The following GAK variants were observed in gnomAD, a reference collection of about 807,000 sequenced individuals.
GAK encodes the protein cyclin-G-associated kinase.
In GAK, 79 loss-of-function variants were observed where a neutral mutation model predicts 143.9. The ratio of observed to expected loss-of-function variants is 0.55; its 90% CI spans 0.46 to 0.66. The LOEUF is 0.66. Among genes scored for constraint, GAK ranks in the 30% least tolerant of loss-of-function variants. The probability of loss-of-function intolerance (pLI) is 0.00; values close to 1 mark genes in which losing one functional copy is unlikely to be tolerated. For missense variants in GAK, 1,693 were observed against 1,779.7 expected (o/e 0.95, Z 0.88); for synonymous variants, 881 against 765.5 (o/e 1.15, Z -2.49).
At chr4:905,567 T>C (rs1032238330) in intron 4 of GAK, among the ~76,000 whole-genome samples, 16 of 144,620 alleles carry the variant, frequency 1.1e-4, no homozygotes, top group Admixed American at 1.0e-3. Context: ...CAGGCCATGC[T>C]ACGGACTTCG....
chr4:873,300 G>A (rs1302570292), intron 18 of GAK, among the ~76,000 whole-genome samples: 1 of 152,122 alleles, frequency 6.6e-6, no homozygotes, highest in Non-Finnish European at 1.5e-5. Context: ...TTGGCACACA[G>A]GTCACTTAAC....
chr4:911,734 T>C lies in GAK; in HGVS notation c.321A>G (p.Ile107Met), dbSNP rs772019614. 4 of 1,614,096 alleles carry C rather than the reference T, an allele frequency of 2.5e-6. No individual in the cohort carries two copies. Among genetic ancestry groups the C allele is most frequent in the South Asian group, 1.1e-5 (1 of 91,088 alleles). The change falls in exon 4 of 28, where the codon ATA (isoleucine) becomes ATG (methionine). Residue 107 changes from isoleucine to methionine, a missense_variant. Physicochemically the swap from Ile to Met is conservative, Grantham distance 10. This residue lies in a region of GAK where 871 missense variants were observed against 991.0 expected (regional missense o/e 0.88). Transcript: ENST00000314167. ...NIVQFCSAAS[I>M]GKEESDTGQA... Reference sequence around the variant, plus strand: ...GCCCCGTGTCTGACTCCTCTTTTCCTATAGACGCTGCAGAACAAAACTGGA... The same window carrying C: ...GCCCCGTGTCTGACTCCTCTTTTCCCATAGACGCTGCAGAACAAAACTGGA...
At chr4:877,913 T>A (rs1714304604) in intron 15 of GAK, 104 bp from the exon 16 acceptor site, 17 of 1,015,420 alleles carry the variant, frequency 1.7e-5, no homozygotes, top group Non-Finnish European at 2.4e-5. Context: ...AAATTTCCCT[T>A]GTAGCAATGT....
At chr4:899,418 C>T (rs150344137) in intron 5 of GAK, among the ~76,000 whole-genome samples, 9 of 150,222 alleles carry the variant, frequency 6.0e-5, no homozygotes, top group Admixed American at 2.7e-4. Flanking sequence ...GCGGTCAGTA[C>T]GGGCTCCCAC....
At chr4:870,524 T>A (rs960025248) in intron 19 of GAK, among the ~76,000 whole-genome samples, 187 bp downstream of exon 19, 1 of 152,218 alleles carries the variant, frequency 6.6e-6, no homozygotes, top group Non-Finnish European at 1.5e-5. Context: ...CCTTCTCTGG[T>A]GTAGCTGGTG....
intron 11 of GAK, chr4:886,407 C>G (rs1409813183): frequency 6.6e-6 from 1 of 152,242 alleles, no homozygotes; most frequent in Non-Finnish European, 1.5e-5. Context: ...CCACCATCCC[C>G]ACAGCTGCTG....
chr4:902,596 CAAAAA>C (rs768017849), intron 5 of GAK, among the ~76,000 whole-genome samples: 1 of 60,728 alleles, frequency 1.6e-5, no homozygotes, highest in East Asian at 5.4e-4. Context: ...GTGACTGACT[CAAAAA>C]AAAAAAAAAA....
At chr4:875,151 G>A (rs759866544) in intron 18 of GAK, among the ~76,000 whole-genome samples, 12 of 152,086 alleles carry the variant, frequency 7.9e-5, no homozygotes, top group African/African-American at 1.9e-4. Context: ...GTCCTTCACC[G>A]ACATTTTCCT....
intron 21 of GAK, 46 bp from the exon 22 acceptor site, chr4:866,580 A>G: frequency 6.3e-7 from 1 of 1,589,276 alleles, no homozygotes; most frequent in East Asian, 2.3e-5. Context: ...CGGCTGCCTG[A>G]AGACAAAGGA....
Position 890,546 on chromosome 4 carries a change from C to T in GAK, c.1067G>A (p.Ser356Asn), listed in dbSNP as rs1426958076. The T allele has an allele frequency of 1.9e-6, 3 of 1,609,104 alleles. No homozygotes were observed. Among genetic ancestry groups the T allele is most frequent in the Non-Finnish European group, 2.5e-6 (3 of 1,178,166 alleles). The change falls in exon 10 of 28, where the codon AGT becomes AAT. Residue 356 changes from serine (S) to asparagine (N), a missense_variant. Coordinates refer to ENST00000314167, the MANE Select transcript of GAK (RefSeq NM_005255.4). Reference sequence around the variant, plus strand: ...AGGGCACTCACCTCCACTGTAGCCACTGCCAGCGGGGCCCACGGGAGGGGG... The same window carrying T: ...AGGGCACTCACCTCCACTGTAGCCATTGCCAGCGGGGCCCACGGGAGGGGG... ...GPPPPVGPAG[S>N]GYSGGLALAE...
chr4:898,310 T>G, intron 5 of GAK, 152 bp from the exon 6 acceptor site: 1 of 803,338 alleles, frequency 1.2e-6, no homozygotes, highest in Non-Finnish European at 2.0e-6. Context: ...ACCTCACACC[T>G]GCGGACACAG....
In GAK at chr4:894,049, G is replaced by A. The variant is rs189680660; in HGVS notation, c.742-40C>T. ...GGGGTGATGCCTAGGCCCACGGGGA[G>A]CGCAGGGGTGACGCCTGGGCCTGCG... On this transcript the variant is annotated intron_variant, in intron 7 of 27. Coordinates refer to ENST00000314167, the MANE Select transcript of GAK (RefSeq NM_005255.4). The A allele has an allele frequency of 1.8e-4, 274 of 1,513,478 alleles. 6 individuals carry two copies. The Admixed American group carries it at 5.5e-3, about 30-fold the overall frequency. 93.8% of individuals were successfully genotyped at this position (1,513,478 alleles called of 1,614,324 possible).
intron 15 of GAK, among the ~76,000 whole-genome samples, chr4:880,153 T>C (rs1456564150): frequency 4.0e-5 from 6 of 150,184 alleles, no homozygotes; most frequent in African/African-American, 1.5e-4. Context: ...CTCTGACATG[T>C]GGACCACTGG....
chr4:867,378 G>A lies in GAK; in HGVS notation c.2450C>T (p.Ser817Phe), dbSNP rs891675867. 91 of 1,578,700 alleles carry A rather than the reference G, an allele frequency of 5.8e-5. 1 individual carries two copies. Among genetic ancestry groups the A allele is most frequent in the Admixed American group, 8.9e-5 (5 of 56,284 alleles). ...CTCGTCTCTGTCCTCCATCAGGGCA[G>A]ACTCGCTCTCCTTGGAAGAGGCATT... ...AENASSKESE[S>F]ALMEDRDESE... Residue 817 changes from serine (S) to phenylalanine (F), a missense_variant, in exon 21 of 28, where the codon TCT becomes TTT. Around this residue, in one of 2 missense-constraint regions of GAK, gnomAD observed 822 missense variants for 788.7 expected, o/e 1.04. Coordinates refer to ENST00000314167, the MANE Select transcript of GAK (RefSeq NM_005255.4).
rs1712396404 is a variant in GAK at position 870,772 on chromosome 4, C to T, written c.2187G>A (p.Gly729=). 4 of 1,613,996 alleles carry T rather than the reference C, an allele frequency of 2.5e-6. No individual in the cohort carries two copies. Among genetic ancestry groups the T allele is most frequent in the Non-Finnish European group, 3.4e-6 (4 of 1,180,012 alleles). ...APPWENSSMR[G]LNPKILFSSR... is the part of the protein sequence containing the mutation. ...TGGAAAACAGGATTTTGGGGTTCAG[C>T]CCCCTCATGCTCGAGTTCTCCCATG... The change falls in exon 19 of 28, where the codon GGG becomes GGA. Residue 729 remains glycine (G), a synonymous_variant. Transcript: ENST00000314167.
At chr4:892,411 C>T (rs548449348) in intron 9 of GAK, among the ~76,000 whole-genome samples, 2 of 152,318 alleles carry the variant, frequency 1.3e-5, no homozygotes, top group South Asian at 4.1e-4. Flanking sequence ...GGGTGAGGGC[C>T]GGGCCGCGTG....
chr4:911,876 GAA>G (rs1722102733), intron 3 of GAK, 89 bp from the exon 4 acceptor site: 5 of 1,013,384 alleles, frequency 4.9e-6, no homozygotes, highest in Non-Finnish European at 7.7e-6. Context: ...TTAACACACT[GAA>G]GTCAGAATAC....
In GAK at chr4:859,686, C is replaced by G. The variant is rs756511255; in HGVS notation, c.3203G>C (p.Cys1068Ser). The G allele has an allele frequency of 1.9e-6, 3 of 1,600,500 alleles. No homozygotes were observed. The highest frequency in any genetic ancestry group is 2.7e-5 in the African/African-American group (2 of 74,718). ...LFSPGGQPAP[C>S]GSQASWTKSQ... is the part of the protein sequence containing the mutation. ...CTTGGTCCAGCTGGCCTGAGAGCCA[C>G]AAGGGGCCGGCTGACCTCCAGGAGA... Residue 1068 changes from cysteine to serine, a missense_variant, in exon 24 of 28, where the codon TGT (cysteine) becomes TCT (serine). By Grantham distance (112) the Cys-to-Ser change is moderately radical. Coordinates refer to ENST00000314167, the MANE Select transcript of GAK (RefSeq NM_005255.4).
At chr4:902,008 C>T (rs560216050) in intron 5 of GAK, among the ~76,000 whole-genome samples, 69 of 152,268 alleles carry the variant, frequency 4.5e-4, no homozygotes, top group African/African-American at 1.4e-3. Flanking sequence ...GAGGCCAAGG[C>T]GGGAGGGTGA....
Sources: gnomAD v4.1 joint callset for allele counts (sites outside exome capture counted in the v4.1 genomes callset) on GRCh38, gnomAD v4.1.1 for gene constraint, gnomAD v4.1.1 regional missense constraint, MANE v1.5 for transcripts, NCBI Gene and HGNC (gene_info 2026-07-23, HGNC 2026-07-21) for gene names.